Variants in CRTC1 observed in about 807,000 individuals in gnomAD.
The protein encoded by CRTC1 is CREB-regulated transcription coactivator 1.
Under a neutral mutation model 66.1 loss-of-function variants are expected in CRTC1, and 18 were observed. The ratio of observed to expected loss-of-function variants is 0.27; its 90% confidence interval spans 0.19 to 0.40. The LOEUF is 0.40. Among genes scored for constraint, CRTC1 ranks in the 10% least tolerant of loss-of-function variants. The pLI, the probability that CRTC1 is intolerant of heterozygous loss-of-function variation, is 1.00. For synonymous variants in CRTC1, 416 were observed against 398.8 expected, an observed-to-expected ratio of 1.04 and a Z score of -0.51; for missense variants, 669 against 887.9, an observed-to-expected ratio of 0.75 and a Z score of 3.13.
At chr19:18,687,610 G>C (rs1322987775) in intron 1 of CRTC1, among the ~76,000 whole-genome samples, 2 of 152,110 alleles carry the variant, frequency 1.3e-5, no homozygotes, top group Non-Finnish European at 2.9e-5. Context: ...CAGGGGTTTG[G>C]CCACACCTGC....
At position 18,732,914 on chromosome 19, in the gene CRTC1, A is replaced by AC. The variant is rs533999274; in HGVS notation, c.127-9992dup. ...AGACCAGCCTGGGCAACATAGGAAG[A>AC]CCCCATCTCTGAAAATAAAAAACTT... is the stretch of plus-strand genomic sequence containing the variant. On this transcript the variant is annotated intron_variant, in intron 1 of 13. Coordinates refer to ENST00000321949, the MANE Select transcript of CRTC1 (RefSeq NM_015321.3). 4.4e-3 allele frequency among the ~76,000 whole-genome samples: 672 copies of AC among 151,760 alleles called. 11 individuals carry two copies. The highest frequency in any genetic ancestry group is 0.015 in the African/African-American group (635 of 41,358).
chr19:18,695,864 C>G (rs1338058741), intron 1 of CRTC1, among the ~76,000 whole-genome samples: 1 of 152,030 alleles, frequency 6.6e-6, no homozygotes, highest in African/African-American at 2.4e-5. Context: ...GACTTCATCT[C>G]AAAAACAAAC....
At chr19:18,745,471 C>G (rs1287964531) in intron 2 of CRTC1, among the ~76,000 whole-genome samples, 3 of 152,188 alleles carry the variant, frequency 2.0e-5, no homozygotes, top group South Asian at 4.1e-4. Context: ...CTGTCTGCAC[C>G]TGGTGAGACT....
intron 8 of CRTC1, among the ~76,000 whole-genome samples, chr19:18,764,270 G>A (rs1451929303): frequency 1.3e-5 from 2 of 152,214 alleles, no homozygotes; most frequent in South Asian, 2.1e-4. Context: ...CTTCACCCCC[G>A]CCTTGACTGC....
At chr19:18,714,017 C>T (rs76738973) in intron 1 of CRTC1, among the ~76,000 whole-genome samples, 1 of 152,176 alleles carries the variant, frequency 6.6e-6, no homozygotes, top group African/African-American at 2.4e-5. Context: ...CTCACCTCTC[C>T]TGGCACCCTA....
chr19:18,717,400 C>T (rs1222084104), intron 1 of CRTC1, among the ~76,000 whole-genome samples: 1 of 152,090 alleles, frequency 6.6e-6, no homozygotes, highest in Non-Finnish European at 1.5e-5. Context: ...AAGGGCATCC[C>T]TGGAGCCCTT....
At chr19:18,765,901 C>T (rs1049670340) in intron 9 of CRTC1, among the ~76,000 whole-genome samples, 1 of 151,902 alleles carries the variant, frequency 6.6e-6, no homozygotes, top group Non-Finnish European at 1.5e-5. Context: ...GTGGAGGCTG[C>T]AGTGAGCCAT....
Position 18,759,914 on chromosome 19 carries a change from T to C in CRTC1, c.666-94T>C, listed in dbSNP as rs73923158. ...ACGGCACCTGATGGGGGGTGGCCTT[T>C]TGCACCCGCTGATTTTCTCCCGCCA... On this transcript the variant is annotated intron_variant, in intron 7 of 13. Coordinates refer to ENST00000321949, the MANE Select transcript of CRTC1 (RefSeq NM_015321.3). The C allele has an allele frequency of 1.8e-3, 1,695 of 962,484 alleles. 31 individuals are homozygous for C. The African/African-American group carries it at 0.03, about 17-fold the overall frequency. The allele number at this position is 962,484 out of a possible 1,614,324, so 59.6% of individuals were successfully genotyped here. A position where few individuals can be genotyped will look rare whatever the true frequency, so the allele number is the denominator to read the frequency against.
At chr19:18,717,132 A>T (rs2053527831) in intron 1 of CRTC1, among the ~76,000 whole-genome samples, 1 of 152,140 alleles carries the variant, frequency 6.6e-6, no homozygotes, top group Non-Finnish European at 1.5e-5. Context: ...TGATGTCTGT[A>T]CAGCCTCCCT....
intron 13 of CRTC1, among the ~76,000 whole-genome samples, chr19:18,776,352 C>A (rs1671409784): frequency 6.6e-6 from 1 of 152,212 alleles, no homozygotes; most frequent in African/African-American, 2.4e-5. Context: ...ATCAGGAAGA[C>A]CCGGCTCCAT....
intron 1 of CRTC1, among the ~76,000 whole-genome samples, chr19:18,721,307 C>T (rs1235204551): frequency 6.6e-6 from 1 of 151,764 alleles, no homozygotes; most frequent in Non-Finnish European, 1.5e-5. Context: ...CATTCTCCTG[C>T]CTCAGCCTCC....
intron 8 of CRTC1, among the ~76,000 whole-genome samples, chr19:18,762,257 A>G (rs561722410): frequency 6.6e-6 from 1 of 152,354 alleles, no homozygotes; most frequent in East Asian, 1.9e-4. Flanking sequence ...AGTCTAAACA[A>G]GCACAAGGAA....
chr19:18,774,706 C>T (rs1362746296), intron 11 of CRTC1, among the ~76,000 whole-genome samples, 194 bp from the exon 12 acceptor site: 1 of 152,142 alleles, frequency 6.6e-6, no homozygotes. Flanking sequence ...CAGAGGCCTC[C>T]CAGGAGCAGG....
chr19:18,731,309 C>T (rs1312617474), intron 1 of CRTC1, among the ~76,000 whole-genome samples: 1 of 152,178 alleles, frequency 6.6e-6, no homozygotes. Flanking sequence ...AGGCCCCTTT[C>T]CAGCTCCTGG....
chr19:18,742,893 TG>T lies in CRTC1; in HGVS notation c.127-15del. On this transcript the variant is annotated splice_polypyrimidine_tract_variant and intron_variant, in intron 1 of 13. Coordinates refer to ENST00000321949, the MANE Select transcript of CRTC1 (RefSeq NM_015321.3). The stretch of plus-strand genomic sequence containing the variant: ...GGGAGGTGACCCCTCCCGCAGCTGC[TG>T]GCTTCTCTCTCGCAGCTCCAGCTCC... 1 of 1,594,714 alleles carries T rather than the reference TG, an allele frequency of 6.3e-7. No individual in the cohort carries two copies. The highest frequency in any genetic ancestry group is 8.6e-7 in the Non-Finnish European group (1 of 1,163,246).
rs558107314 is a variant in CRTC1, at chr19:18,760,625, G to A, written c.886+397G>A. Among the ~76,000 whole-genome samples the A allele has an allele frequency of 6.6e-6, 1 of 151,752 alleles. No individual in the cohort carries two copies. Among genetic ancestry groups the A allele is most frequent in the Admixed American group, 6.6e-5 (1 of 15,242 alleles). ...CTTCCTCCACCCGACATCTGACAGT[G>A]ACCACCTACTTGTCACATCCCAGCA... is the stretch of plus-strand genomic sequence containing the variant. On this transcript the variant is annotated intron_variant, in intron 8 of 13. Transcript: ENST00000321949. The surrounding 1 kb of genome is among the most constrained non-coding windows in gnomAD (Gnocchi z 6.2).
chr19:18,745,139 G>T (rs755832323), intron 2 of CRTC1, among the ~76,000 whole-genome samples: 1 of 152,172 alleles, frequency 6.6e-6, no homozygotes, highest in East Asian at 1.9e-4. Context: ...GGGAGGGCCA[G>T]CCTGGTGCCA....
intron 9 of CRTC1, among the ~76,000 whole-genome samples, chr19:18,767,921 G>C (rs2054772068): frequency 6.6e-6 from 1 of 152,234 alleles, no homozygotes; most frequent in Non-Finnish European, 1.5e-5. Context: ...CTGGCTGTGA[G>C]TTTCCACACA....
intron 1 of CRTC1, chr19:18,735,689 C>T: frequency 6.5e-6 from 1 of 152,696 alleles, no homozygotes; most frequent in Non-Finnish European, 1.5e-5. Flanking sequence ...CCGTATTTCA[C>T]CCCTGGTGGC....
Sources: allele counts gnomAD v4.1 joint callset (sites outside exome capture counted in the v4.1 genomes callset), GRCh38; gene constraint gnomAD v4.1.1; non-coding constraint Gnocchi (gnomAD v3.1); transcripts MANE v1.5; gene names NCBI Gene and HGNC (gene_info 2026-07-23, HGNC 2026-07-21).